PDXDC1: variants seen among roughly 807,000 people sequenced by gnomAD.
PDXDC1 encodes the protein pyridoxal-dependent decarboxylase domain-containing protein 1.
Under a neutral mutation model 100.1 loss-of-function variants are expected in PDXDC1, and 42 were observed. That is an observed-to-expected ratio of 0.42 (90% CI 0.33 to 0.54). The LOEUF (loss-of-function observed/expected upper bound fraction) is 0.54, where lower values mean the gene tolerates loss of function less well. Ranked by LOEUF, PDXDC1 falls within the 20% of genes least tolerant of loss-of-function variation. The probability of loss-of-function intolerance (pLI) is 0.10; values close to 1 mark genes in which losing one functional copy is unlikely to be tolerated. For synonymous variants in PDXDC1, 260 were observed against 371.7 expected (o/e 0.70, Z 3.46); for missense variants, 636 against 979.2 (o/e 0.65, Z 4.68).
In PDXDC1 at chr16:15,034,486, C is replaced by A. The variant is rs780787117; in HGVS notation, c.1935C>A (p.Gly645=). ...EGVLRQIPVV[G]SVLNWFSPVQ... ...TGTTGCGGCAGATCCCTGTAGTGGGCTCCGTGCTGAATTGGTTTTCTCCGG... is the reference window on the plus strand; with the variant it reads ...TGTTGCGGCAGATCCCTGTAGTGGGATCCGTGCTGAATTGGTTTTCTCCGG... Residue 645 remains glycine (G), a synonymous_variant, in exon 21 of 23, where the codon GGC becomes GGA. Transcript: ENST00000396410. 6 of 1,614,022 alleles carry A rather than the reference C, an allele frequency of 3.7e-6. No homozygotes were observed. The highest frequency in any genetic ancestry group is 2.2e-5 in the East Asian group (1 of 44,892).
At chr16:15,139,799 A>G (rs1445212326), downstream of PDXDC1, among the ~76,000 whole-genome samples, 16 of 152,194 alleles carry the variant, frequency 1.1e-4, no homozygotes, top group Admixed American at 9.8e-4. Flanking sequence ...AGAAAGAGAA[A>G]GCAAGAAAAG....
intron 5 of PDXDC1, among the ~76,000 whole-genome samples, chr16:15,005,468 C>T (rs576716922): frequency 3.3e-3 from 501 of 152,208 alleles, no homozygotes; most frequent in Middle Eastern, 6.8e-3. Context: ...TATGCTGTTA[C>T]TTTTATGGAG....
At chr16:15,145,464 G>A in the PDXDC1 span, among the ~76,000 whole-genome samples, 1 of 152,262 alleles carries the variant, frequency 6.6e-6, no homozygotes, top group African/African-American at 2.4e-5. Context: ...GGAAGAGCTG[G>A]CTTCCGCCTC....
intron 16 of PDXDC1, among the ~76,000 whole-genome samples, chr16:15,132,465 C>G (rs1048297321): frequency 2.0e-5 from 3 of 147,402 alleles, no homozygotes; most frequent in South Asian, 2.2e-4. Flanking sequence ...AGGCACAGAA[C>G]AGCATCTTCT....
downstream of PDXDC1, among the ~76,000 whole-genome samples, chr16:15,042,017 A>G (rs921347010): frequency 2.6e-5 from 4 of 152,194 alleles, no homozygotes; most frequent in African/African-American, 9.7e-5. Context: ...CCTGATTATC[A>G]GAATTACAAA....
chr16:15,141,046 A>G (rs1165927555), downstream of PDXDC1, among the ~76,000 whole-genome samples: 3 of 144,202 alleles, frequency 2.1e-5, no homozygotes, highest in Admixed American at 6.8e-5. Context: ...CCCAGCCCCT[A>G]CCGGCCTCCA....
chr16:15,046,426 T>C (rs1213015489), intron 16 of PDXDC1, among the ~76,000 whole-genome samples: 1 of 152,108 alleles, frequency 6.6e-6, no homozygotes, highest in East Asian at 1.9e-4. Context: ...AGCAGGCCTG[T>C]GTCGTCGGCC....
chr16:15,057,245 G>C (rs1039747654), intron 16 of PDXDC1, among the ~76,000 whole-genome samples: 1 of 152,006 alleles, frequency 6.6e-6, no homozygotes, highest in Non-Finnish European at 1.5e-5. Context: ...CCATCGCCAG[G>C]TTACCCAACT....
intron 1 of PDXDC1, among the ~76,000 whole-genome samples, chr16:14,984,036 A>C (rs1968640477): frequency 6.6e-6 from 1 of 152,212 alleles, no homozygotes; most frequent in African/African-American, 2.4e-5. Flanking sequence ...GGTGGCATGC[A>C]CCTGTAGTCC....
In PDXDC1 at chr16:15,131,400, C is replaced by G. The variant is rs903866331; in HGVS notation, c.1400-7479C>G. 1.9e-4 allele frequency: 302 copies of G among 1,603,416 alleles called. 1 individual carries two copies. Among genetic ancestry groups the G allele is most frequent in the Non-Finnish European group, 2.5e-4 (293 of 1,175,160 alleles). On this transcript the variant is annotated intron_variant, in intron 16 of 16. Coordinates refer to the PDXDC1 transcript ENST00000535621. ...TGGAGTCCACCAGAAAGATGAGCTG[C>G]ACCACGTCACTGAGGTTAGCCGGGG...
At chr16:15,131,082 C>G (rs181894269) in intron 16 of PDXDC1, 6 of 1,605,544 alleles carry the variant, frequency 3.7e-6, no homozygotes, top group Non-Finnish European at 4.2e-6. Flanking sequence ...ACCCGCTGCA[C>G]GCACCGTCCA....
At chr16:15,131,384 C>T (rs1405917079) in intron 16 of PDXDC1, 12 of 1,595,712 alleles carry the variant, frequency 7.5e-6, no homozygotes, top group Non-Finnish European at 9.4e-6. Flanking sequence ...TTGGAGTCCA[C>T]CAGAAAGATG....
chr16:14,977,084 A>T (rs1318623527), intron 1 of PDXDC1, among the ~76,000 whole-genome samples: 1 of 152,282 alleles, frequency 6.6e-6, no homozygotes, highest in Non-Finnish European at 1.5e-5. Context: ...TTAATTGATG[A>T]TAAAAGATCT....
In PDXDC1 at chr16:15,038,313, TA is replaced by T. The variant is rs2043632246; in HGVS notation, c.*2042del. ...TGTTCTTGGACACAAATATATATAA[TA>T]AAATACGTTAAGAAATGAGGTGGCC... On this transcript the variant is annotated 3_prime_UTR_variant, in exon 23 of 23. Transcript: ENST00000396410. 3.7e-6 allele frequency: 3 copies of T among 817,042 alleles called. No homozygotes were observed. The Admixed American group carries it at 8.9e-5, about 24-fold the overall frequency. 50.6% of individuals were successfully genotyped at this position (817,042 alleles called of 1,614,324 possible).
downstream of PDXDC1, among the ~76,000 whole-genome samples, chr16:15,140,391 C>T (rs578237032): frequency 1.4e-5 from 2 of 143,372 alleles, no homozygotes; most frequent in Admixed American, 1.4e-4. Context: ...TTGCAGTGAG[C>T]TGAGATCGCG....
chr16:14,977,315 T>A (rs1966919413), intron 1 of PDXDC1, among the ~76,000 whole-genome samples: 1 of 148,822 alleles, frequency 6.7e-6, no homozygotes, highest in Non-Finnish European at 1.5e-5. Context: ...AGTCTCGGTC[T>A]CTTGCCCAGG....
intron 16 of PDXDC1, chr16:15,048,120 T>G: frequency 6.8e-7 from 1 of 1,460,844 alleles, no homozygotes; most frequent in Non-Finnish European, 9.5e-7. Context: ...AAAAAAAAAA[T>G]AAAATAGTGA....
chr16:15,034,610 G>A lies in PDXDC1; in HGVS notation c.2002+57G>A, dbSNP rs529108516. The A allele has an allele frequency of 3.1e-6, 4 of 1,277,774 alleles. No homozygotes were observed. The African/African-American group carries it at 4.4e-5, about 14-fold the overall frequency. 79.2% of individuals were successfully genotyped at this position (1,277,774 alleles called of 1,614,324 possible). ...CTGACCTTGGGAGGTTTCACCAAAT[G>A]CCCTTGGGTCCCAACACTTCCCACT... On this transcript the variant is annotated intron_variant, in intron 21 of 22. Coordinates refer to ENST00000396410, the MANE Select transcript of PDXDC1 (RefSeq NM_015027.4).
intron 1 of PDXDC1, among the ~76,000 whole-genome samples, chr16:14,980,861 A>C (rs1967808814): frequency 6.6e-6 from 1 of 152,278 alleles, no homozygotes; most frequent in Admixed American, 6.5e-5. Context: ...TGGCCTCCCA[A>C]AGTGCTGGGA....
Sources: allele counts gnomAD v4.1 joint callset (sites outside exome capture counted in the v4.1 genomes callset), GRCh38; gene constraint gnomAD v4.1.1; transcripts MANE v1.5; gene names NCBI Gene and HGNC (gene_info 2026-07-23, HGNC 2026-07-21).